Variants in OSBP2 observed in about 807,000 individuals in gnomAD.
OSBP2 encodes the protein oxysterol-binding protein 2.
A neutral mutation model predicts 96.0 loss-of-function variants in OSBP2; 66 were observed. That is an observed-to-expected ratio of 0.69 (90% CI 0.56 to 0.84). The LOEUF is 0.84. Among genes scored for constraint, OSBP2 ranks in the 40% least tolerant of loss-of-function variants. The pLI is 0.00. For missense variants in OSBP2, 1,038 were observed against 1,222.7 expected, an observed-to-expected ratio of 0.85 and a Z score of 2.25; for synonymous variants, 525 against 520.9, an observed-to-expected ratio of 1.01 and a Z score of -0.11.
chr22:30,782,527 A>G (rs977024802), intron 2 of OSBP2, among the ~76,000 whole-genome samples: 2 of 152,314 alleles, frequency 1.3e-5, no homozygotes, highest in East Asian at 3.9e-4. Flanking sequence ...TTGTACTGCA[A>G]GTACTCTAGT....
At chr22:30,772,438 A>G (rs1450740851) in intron 2 of OSBP2, among the ~76,000 whole-genome samples, 1 of 152,230 alleles carries the variant, frequency 6.6e-6, no homozygotes, top group Admixed American at 6.5e-5. Context: ...CACCAGAAGC[A>G]GGGAAGCCAG....
chr22:30,888,142 G>A, intron 4 of OSBP2, 81 bp from the exon 5 acceptor site: 1 of 918,246 alleles, frequency 1.1e-6, no homozygotes, highest in Non-Finnish European at 1.8e-6. Flanking sequence ...GGGGGTTGGG[G>A]GAGCCCTTGG....
chr22:30,796,142 G>A (rs1281977706), intron 2 of OSBP2, among the ~76,000 whole-genome samples: 4 of 152,064 alleles, frequency 2.6e-5, no homozygotes, highest in African/African-American at 4.8e-5. Flanking sequence ...TGCAAGGAAG[G>A]CATTGAGTCT....
rs910660779 is a variant in OSBP2 at position 30,845,292 on chromosome 22, G to A, written c.854-25137G>A. On this transcript the variant is annotated intron_variant, in intron 2 of 13. Transcript: ENST00000332585. ...CATATATACAAAAACTTAGCCAGGC[G>A]TGGTGGTAGGTGCCTGTAATCCCAG... Among the ~76,000 whole-genome samples the A allele has an allele frequency of 8.0e-4, 122 of 152,276 alleles. 1 individual carries two copies. The highest frequency in any genetic ancestry group is 2.9e-3 in the African/African-American group (119 of 41,570).
At chr22:30,828,103 C>T (rs533076664) in intron 2 of OSBP2, among the ~76,000 whole-genome samples, 1 of 152,144 alleles carries the variant, frequency 6.6e-6, no homozygotes, top group Admixed American at 6.5e-5. Flanking sequence ...GGCAGAACCT[C>T]CGAGCCTGGG....
rs540139668 is a variant in OSBP2, at chr22:30,821,032, A to G, written c.854-49397A>G. On this transcript the variant is annotated intron_variant, in intron 2 of 13. Transcript: ENST00000332585. ...CTTTTCAATAAATTACATTTGATCA[A>G]TTCCTTTGCTTGAGCTCCTGCAAGG... 5.3e-5 allele frequency among the ~76,000 whole-genome samples: 8 copies of G among 152,338 alleles called. 1 individual carries two copies. The highest frequency in any genetic ancestry group is 1.9e-4 in the African/African-American group (8 of 41,574).
At chr22:30,804,704 C>A (rs776158889) in intron 2 of OSBP2, among the ~76,000 whole-genome samples, 3 of 152,158 alleles carry the variant, frequency 2.0e-5, no homozygotes, top group Non-Finnish European at 4.4e-5. Flanking sequence ...TTACATTATT[C>A]TTGACCACTT....
rs915873605 is a variant in OSBP2 at position 30,716,800 on chromosome 22, C to T, written c.644+21247C>T. On this transcript the variant is annotated intron_variant, in intron 1 of 13. Coordinates refer to ENST00000332585, the MANE Select transcript of OSBP2 (RefSeq NM_030758.4). ...TGTTGAGTTGTAGAAGTTCTTCTTA[C>T]ATTCTAGACATTAACCCACTGTCAG... is the stretch of plus-strand genomic sequence containing the variant. Among the ~76,000 whole-genome samples, 8 of 152,284 alleles carry T rather than the reference C, an allele frequency of 5.3e-5. No homozygotes were observed. The South Asian group carries it at 1.2e-3, about 24-fold the overall frequency.
intron 2 of OSBP2, among the ~76,000 whole-genome samples, chr22:30,837,951 A>G (rs1183046636): frequency 2.0e-5 from 3 of 152,196 alleles, no homozygotes; most frequent in African/African-American, 7.2e-5. Flanking sequence ...TTTTTAGTGA[A>G]TGCTTTGTAT....
At chr22:30,750,287 A>G (rs2090058389) in intron 2 of OSBP2, among the ~76,000 whole-genome samples, 1 of 152,152 alleles carries the variant, frequency 6.6e-6, no homozygotes, top group Non-Finnish European at 1.5e-5. Context: ...TGGTCAAATC[A>G]GTGAATGTTT....
chr22:30,703,473 C>T (rs1176825767), intron 1 of OSBP2, among the ~76,000 whole-genome samples: 2 of 146,062 alleles, frequency 1.4e-5, no homozygotes, highest in Non-Finnish European at 3.0e-5. Flanking sequence ...CATGCCCGGC[C>T]TTATAGCTTT....
chr22:30,888,379 G>A (rs1056371055), intron 5 of OSBP2, 39 bp downstream of exon 5: 2 of 1,201,478 alleles, frequency 1.7e-6, no homozygotes, highest in African/African-American at 1.5e-5. Context: ...CCCCCACCCT[G>A]GTCTTAGGCT....
chr22:30,697,084 T>G (rs1231965944), intron 1 of OSBP2, among the ~76,000 whole-genome samples: 2 of 152,176 alleles, frequency 1.3e-5, no homozygotes, highest in Non-Finnish European at 2.9e-5. Flanking sequence ...CTGTCCCAAA[T>G]GTGTCCTGAT....
chr22:30,879,667 G>T (rs5753367), intron 3 of OSBP2, among the ~76,000 whole-genome samples: 2 of 152,358 alleles, frequency 1.3e-5, no homozygotes, highest in East Asian at 3.9e-4. Flanking sequence ...TGGGTCCCCA[G>T]TCTGGGTCTT....
chr22:30,886,721 G>A (rs1004545056), intron 3 of OSBP2, among the ~76,000 whole-genome samples: 1 of 152,224 alleles, frequency 6.6e-6, no homozygotes, highest in African/African-American at 2.4e-5. Flanking sequence ...CATCTGATGA[G>A]AATGTATGGT....
chr22:30,819,498 TTGACAAAC>T (rs2091122017), intron 2 of OSBP2, among the ~76,000 whole-genome samples: 1 of 152,220 alleles, frequency 6.6e-6, no homozygotes. Flanking sequence ...TTCGGCTTCC[TTGACAAAC>T]TAATTCAACT....
In OSBP2 at chr22:30,893,128, C is replaced by T; in HGVS notation, c.1876C>T (p.His626Tyr). 1 of 1,613,952 alleles carries T rather than the reference C, an allele frequency of 6.2e-7. No individual in the cohort carries two copies. Among genetic ancestry groups the T allele is most frequent in the Non-Finnish European group, 8.5e-7 (1 of 1,179,942 alleles). ...CCTATGGGTCTGGTCTCAGGTGAGC[C>T]ACCACCCCCCCTCAGCTGCGCACTA... Reference protein sequence around the residue: ...GLRSLCEQVSHHPPSAAHYVF... With the variant: ...GLRSLCEQVSYHPPSAAHYVF... Residue 626 changes from histidine (H) to tyrosine (Y), a missense_variant, in exon 9 of 14, where the codon CAC (histidine) becomes TAC (tyrosine). Physicochemically the swap from His to Tyr is moderately conservative, Grantham distance 83. This residue lies in a region of OSBP2 where 737 missense variants were observed against 913.3 expected (regional missense o/e 0.81). Coordinates refer to ENST00000332585, the MANE Select transcript of OSBP2 (RefSeq NM_030758.4).
intron 2 of OSBP2, among the ~76,000 whole-genome samples, chr22:30,860,916 G>A (rs1271416528): frequency 3.3e-5 from 5 of 152,120 alleles, no homozygotes; most frequent in Non-Finnish European, 2.9e-5. Context: ...CTGGCTGCCC[G>A]GTGCTGTCCA....
chr22:30,822,441 G>C, intron 2 of OSBP2: 2 of 1,114,538 alleles, frequency 1.8e-6, no homozygotes, highest in East Asian at 6.5e-5. Context: ...CCGCGGCGCG[G>C]ACGGGGTTAA....
Sources: allele counts gnomAD v4.1 joint callset (sites outside exome capture counted in the v4.1 genomes callset), GRCh38; gene constraint gnomAD v4.1.1; regional missense constraint gnomAD v4.1.1; transcripts MANE v1.5; gene names NCBI Gene and HGNC (gene_info 2026-07-23, HGNC 2026-07-21).